Variants in RBM19 observed in about 807,000 individuals in gnomAD.
RBM19 encodes RNA binding motif protein 19, also known as probable RNA-binding protein 19.
A neutral mutation model predicts 116.8 loss-of-function variants in RBM19; 94 were observed. The ratio of observed to expected loss-of-function variants is 0.80; its 90% CI spans 0.68 to 0.95. The LOEUF is 0.95. RBM19 is among the 40% of genes least tolerant of loss of function. The pLI, the probability that RBM19 is intolerant of heterozygous loss-of-function variation, is 0.00. For missense variants in RBM19, 1,161 were observed against 1,220.7 expected (o/e 0.95, Z 0.73); for synonymous variants, 475 against 494.1 (o/e 0.96, Z 0.51).
chr12:113,853,015 C>T (rs1174109175), intron 22 of RBM19, among the ~76,000 whole-genome samples: 17 of 152,214 alleles, frequency 1.1e-4, no homozygotes, highest in Admixed American at 6.5e-5. Flanking sequence ...TTGTCCGGCT[C>T]GCTCATCATT....
At chr12:113,877,824 G>A (rs574103530) in intron 21 of RBM19, among the ~76,000 whole-genome samples, 182 of 152,246 alleles carry the variant, frequency 1.2e-3, no homozygotes, top group African/African-American at 3.1e-3. Context: ...TGTTCAGAAC[G>A]GATGGGCGAG....
chr12:113,912,535 G>A (rs926954102), intron 21 of RBM19, among the ~76,000 whole-genome samples: 1 of 152,212 alleles, frequency 6.6e-6, no homozygotes, highest in Non-Finnish European at 1.5e-5. Flanking sequence ...TCCCAGGCAG[G>A]ACACTCCATC....
At chr12:113,899,601 ATGGTTGTTTC>A (rs1261057825) in intron 21 of RBM19, among the ~76,000 whole-genome samples, 29 of 152,176 alleles carry the variant, frequency 1.9e-4, no homozygotes, top group African/African-American at 5.8e-4. Flanking sequence ...TCTGGAGTTC[ATGGTTGTTTC>A]TGTAACCTAG....
chr12:113,821,336 C>A (rs780523044), downstream of RBM19, among the ~76,000 whole-genome samples: 1 of 152,174 alleles, frequency 6.6e-6, no homozygotes, highest in Non-Finnish European at 1.5e-5. Flanking sequence ...GCCAGCCATC[C>A]CTGCTGGCTC....
intron 7 of RBM19, among the ~76,000 whole-genome samples, chr12:113,954,928 T>C (rs1434315384): frequency 1.3e-5 from 2 of 151,988 alleles, no homozygotes; most frequent in Non-Finnish European, 2.9e-5. Context: ...AACCAGAACC[T>C]CCTTTGTCTT....
intron 21 of RBM19, among the ~76,000 whole-genome samples, chr12:113,884,298 T>C (rs142349505): frequency 0.075 from 10,272 of 137,168 alleles, 605 homozygotes; most frequent in East Asian, 0.32. Context: ...AAAAAAAGTA[T>C]ACACACACAC....
chr12:113,833,014 T>G (rs1875566485), intron 23 of RBM19, among the ~76,000 whole-genome samples: 1 of 152,156 alleles, frequency 6.6e-6, no homozygotes, highest in South Asian at 2.1e-4. Context: ...TGTCTGCTGA[T>G]GACTTCCAAA....
At chr12:113,818,552 GA>G (rs1874206948), downstream of RBM19, among the ~76,000 whole-genome samples, 1 of 151,136 alleles carries the variant, frequency 6.6e-6, no homozygotes, top group African/African-American at 2.5e-5. Context: ...GCCTTGTTTT[GA>G]AGTTATGTTC....
At chr12:113,933,918 G>A (rs1213668464) in intron 16 of RBM19, among the ~76,000 whole-genome samples, 1 of 152,168 alleles carries the variant, frequency 6.6e-6, no homozygotes, top group Admixed American at 6.5e-5. Context: ...TGCCCATGGT[G>A]AGTTAAAGAC....
At chr12:113,913,679 C>A (rs1882593286) in intron 21 of RBM19, among the ~76,000 whole-genome samples, 1 of 152,184 alleles carries the variant, frequency 6.6e-6, no homozygotes, top group East Asian at 1.9e-4. Flanking sequence ...CTCCAAAACA[C>A]AAGGCTGATT....
At position 113,954,432 on chromosome 12, in the gene RBM19, T is replaced by C. The variant is rs555523711; in HGVS notation, c.921+699A>G. 2.0e-5 allele frequency among the ~76,000 whole-genome samples: 3 copies of C among 152,316 alleles called. No homozygotes were observed. In the East Asian group the frequency reaches 5.8e-4, roughly 29 times the overall value. ...GTGTGTTGGCCAGGGCAGCCCTAGT[T>C]TGCCTGGGATGAGTTGTCACTGTAT... On this transcript the variant is annotated intron_variant, in intron 7 of 23. Transcript: ENST00000261741.
intron 14 of RBM19, among the ~76,000 whole-genome samples, chr12:113,941,820 C>T (rs138149398): frequency 6.6e-6 from 1 of 152,336 alleles, no homozygotes; most frequent in East Asian, 1.9e-4. Context: ...CACATATAGA[C>T]TGTTTGACCT....
intron 13 of RBM19, among the ~76,000 whole-genome samples, chr12:113,944,855 A>ACATTTT (rs1566033770): frequency 0.014 from 1,609 of 115,266 alleles, no homozygotes; most frequent in African/African-American, 0.054. Context: ...ATATATATGT[A>ACATTTT]TATATAAAAA....
At chr12:113,827,010 A>G (rs1198438829) in intron 23 of RBM19, among the ~76,000 whole-genome samples, 2 of 152,084 alleles carry the variant, frequency 1.3e-5, no homozygotes, top group Non-Finnish European at 2.9e-5. Flanking sequence ...CCTGGAGGAC[A>G]TGTCAGGCCC....
chr12:113,844,865 C>T, intron 22 of RBM19, 77 bp from the exon 23 acceptor site: 1 of 1,489,260 alleles, frequency 6.7e-7, no homozygotes, highest in Non-Finnish European at 9.0e-7. Flanking sequence ...TGCCAGCTGC[C>T]TGCCTGCGTC....
chr12:113,860,591 T>G (rs1478507001), intron 21 of RBM19, among the ~76,000 whole-genome samples: 2 of 152,138 alleles, frequency 1.3e-5, no homozygotes, highest in African/African-American at 4.8e-5. Flanking sequence ...CCAGGCTGGG[T>G]GCTTTCTCAA....
intron 17 of RBM19, among the ~76,000 whole-genome samples, chr12:113,925,846 G>A (rs564177959): frequency 5.9e-4 from 90 of 152,010 alleles, no homozygotes; most frequent in Non-Finnish European, 1.2e-3. Context: ...TACCAGACCC[G>A]CACCAGAAAA....
At chr12:113,881,650 C>A (rs1353212976) in intron 21 of RBM19, among the ~76,000 whole-genome samples, 1 of 152,204 alleles carries the variant, frequency 6.6e-6, no homozygotes, top group Non-Finnish European at 1.5e-5. Flanking sequence ...GGGCCCATTT[C>A]ATGGAAGACG....
chr12:113,851,988 T>A (rs1174662128), intron 22 of RBM19, among the ~76,000 whole-genome samples: 1 of 151,710 alleles, frequency 6.6e-6, no homozygotes, highest in African/African-American at 2.4e-5. Context: ...GAGGTGGAGG[T>A]TGCAGGGAGC....
Sources: gnomAD v4.1 joint callset for allele counts (sites outside exome capture counted in the v4.1 genomes callset) on GRCh38, gnomAD v4.1.1 for gene constraint, MANE v1.5 for transcripts, NCBI Gene and HGNC (gene_info 2026-07-23, HGNC 2026-07-21) for gene names.